The following KANSL1L variants were observed in gnomAD, a reference collection of about 807,000 sequenced individuals.
The protein encoded by KANSL1L is KAT8 regulatory NSL complex subunit 1-like protein.
In KANSL1L, 25 loss-of-function variants were observed where a neutral mutation model predicts 108.6. The observed-to-expected ratio is 0.23, with a 90% CI of 0.17 to 0.32. KANSL1L has a LOEUF of 0.32. Among genes scored for constraint, KANSL1L ranks in the 10% least tolerant of loss-of-function variants. The pLI, the probability that KANSL1L is intolerant of heterozygous loss-of-function variation, is 1.00. For missense variants in KANSL1L, 1,137 were observed against 1,125.7 expected, an observed-to-expected ratio of 1.01 and a Z score of -0.14; for synonymous variants, 405 against 395.1, an observed-to-expected ratio of 1.03 and a Z score of -0.30.
At chr2:210,168,689 T>C (rs543835540) in intron 1 of KANSL1L, among the ~76,000 whole-genome samples, 123 of 152,220 alleles carry the variant, frequency 8.1e-4, no homozygotes, top group Non-Finnish European at 1.4e-3. Context: ...AGAAGTTAAT[T>C]GACCTTCTGG....
chr2:210,084,127 C>G (rs903499408), intron 5 of KANSL1L, among the ~76,000 whole-genome samples: 4 of 151,910 alleles, frequency 2.6e-5, no homozygotes, highest in Admixed American at 6.6e-5. Context: ...GATGTAGTAT[C>G]TAAAAAAATT....
rs2093867241 is a variant in KANSL1L at position 210,022,083 on chromosome 2, G to A, written c.*866C>T. ...TTTAAAACTGGTGTCTTCTCTTCAT[G>A]AGACACATTAATTGGTAAAACTCAA... is the stretch of plus-strand genomic sequence containing the variant. On this transcript the variant is annotated 3_prime_UTR_variant, in exon 15 of 15. Transcript: ENST00000281772. The A allele has an allele frequency of 6.7e-6, 1 of 148,952 alleles. No homozygotes were observed. Among genetic ancestry groups the A allele is most frequent in the East Asian group, 2.0e-4 (1 of 5,118 alleles). The allele number at this position is 148,952 out of a possible 1,614,324, so 9.2% of individuals were successfully genotyped here. A position where few individuals can be genotyped will look rare whatever the true frequency, so the allele number is the denominator to read the frequency against.
At chr2:210,023,220 G>T (rs1559491272) in intron 14 of KANSL1L, 41 bp from the exon 15 acceptor site, 2 of 1,427,748 alleles carry the variant, frequency 1.4e-6, no homozygotes, top group Admixed American at 1.7e-5. Context: ...CAACTAACTT[G>T]TTTTGTTTAA....
At chr2:210,079,501 CA>C (rs1404365654) in intron 5 of KANSL1L, among the ~76,000 whole-genome samples, 1 of 149,272 alleles carries the variant, frequency 6.7e-6, no homozygotes, top group East Asian at 2.0e-4. Flanking sequence ...GAGGCTGAGG[CA>C]GGAGAATCGC....
intron 7 of KANSL1L, 121 bp downstream of exon 7, chr2:210,043,818 A>G: frequency 1.7e-6 from 1 of 581,446 alleles, no homozygotes; most frequent in Non-Finnish European, 2.8e-6. Context: ...GGCATTGCTT[A>G]GTTCTAATAT....
At chr2:210,162,088 T>TAC (rs1184029126) in intron 1 of KANSL1L, among the ~76,000 whole-genome samples, 69 of 148,096 alleles carry the variant, frequency 4.7e-4, no homozygotes, top group African/African-American at 1.4e-3. Flanking sequence ...TATATATATA[T>TAC]ACACACACAC....
intron 7 of KANSL1L, among the ~76,000 whole-genome samples, chr2:210,042,387 T>TATTAGAGG (rs2094174616): frequency 6.6e-6 from 1 of 152,196 alleles, no homozygotes; most frequent in African/African-American, 2.4e-5. Flanking sequence ...TAATCTCATT[T>TATTAGAGG]ATTAGAGGGG....
intron 6 of KANSL1L, among the ~76,000 whole-genome samples, chr2:210,051,140 G>C (rs1410891877): frequency 6.6e-6 from 1 of 152,092 alleles, no homozygotes; most frequent in Non-Finnish European, 1.5e-5. Context: ...TATTGCTATG[G>C]AGAACTCATT....
chr2:210,133,295 G>C, intron 2 of KANSL1L, among the ~76,000 whole-genome samples: 1 of 151,930 alleles, frequency 6.6e-6, no homozygotes, highest in South Asian at 2.1e-4. Context: ...ATAATACAAA[G>C]TTATTATACT....
At chr2:210,041,996 G>C (rs2094169151) in intron 7 of KANSL1L, among the ~76,000 whole-genome samples, 1 of 152,064 alleles carries the variant, frequency 6.6e-6, no homozygotes, top group Non-Finnish European at 1.5e-5. Context: ...AACATTTCAG[G>C]ATTCTGATAT....
intron 6 of KANSL1L, among the ~76,000 whole-genome samples, chr2:210,048,159 C>T (rs578170279): frequency 6.6e-6 from 1 of 152,240 alleles, no homozygotes; most frequent in Non-Finnish European, 1.5e-5. Flanking sequence ...GAAAACTGGC[C>T]ATGTGCTTCA....
rs184849612 is a variant in KANSL1L, at chr2:210,147,879, T to C, written c.1088+5616A>G. Among the ~76,000 whole-genome samples the C allele has an allele frequency of 9.2e-5, 14 of 152,348 alleles. No individual in the cohort carries two copies. The East Asian group carries it at 2.7e-3, about 29-fold the overall frequency. On this transcript the variant is annotated intron_variant, in intron 2 of 14. Transcript: ENST00000281772. The stretch of plus-strand genomic sequence containing the variant: ...TCACCTTGCTTTTCAGTTCTTTTCC[T>C]TTCCATTGGCAAAGCAGGAAAGCAA...
At position 210,104,168 on chromosome 2, in the gene KANSL1L, G is replaced by C. The variant is rs754982488; in HGVS notation, c.1364C>G (p.Pro455Arg). ...TGGTGACATTTCAAAATCTTGTTCC[G>C]GTACAGGATCTTGACACTCCTGGGG... is the stretch of plus-strand genomic sequence containing the variant. The part of the protein sequence containing the change: ...QVPQECQDPV[P>R]EQDFEMSPSS... The change falls in exon 4 of 15, where the codon CCG becomes CGG. Residue 455 changes from proline to arginine, a missense_variant. By Grantham distance (103) the Pro-to-Arg change is moderately radical (BLOSUM62 -2). Around this residue, in one of 3 missense-constraint regions of KANSL1L, gnomAD observed 556 missense variants for 537.7 expected, o/e 1.03. Coordinates refer to ENST00000281772, the MANE Select transcript of KANSL1L (RefSeq NM_152519.4). 2.5e-6 allele frequency: 4 copies of C among 1,613,874 alleles called. No individual in the cohort carries two copies. Among genetic ancestry groups the C allele is most frequent in the Non-Finnish European group, 3.4e-6 (4 of 1,179,864 alleles).
intron 5 of KANSL1L, among the ~76,000 whole-genome samples, chr2:210,077,845 A>G (rs927475718): frequency 6.6e-6 from 1 of 152,204 alleles, no homozygotes; most frequent in Non-Finnish European, 1.5e-5. Context: ...ATCTTATGAA[A>G]TGAAAGGACA....
At chr2:210,071,500 C>A (rs900056517) in intron 6 of KANSL1L, among the ~76,000 whole-genome samples, 1 of 152,004 alleles carries the variant, frequency 6.6e-6, no homozygotes, top group South Asian at 2.1e-4. Context: ...AACTCCTGAC[C>A]TCAGGTGATC....
At chr2:210,152,887 T>C (rs1315076725) in intron 2 of KANSL1L, 1 of 152,288 alleles carries the variant, frequency 6.6e-6, no homozygotes, top group Non-Finnish European at 1.5e-5. Flanking sequence ...GTCCACAGCC[T>C]ATTCAAGAAT....
intron 8 of KANSL1L, among the ~76,000 whole-genome samples, chr2:210,034,976 T>C (rs1467712511): frequency 6.6e-6 from 1 of 152,208 alleles, no homozygotes; most frequent in African/African-American, 2.4e-5. Context: ...CAAATGAAAT[T>C]TAGTTGCTGA....
rs540839281 is a variant in KANSL1L at position 210,099,961 on chromosome 2, A to T, written c.1429-1754T>A. ...TAAAACACTAGCTATTCATAACAAG[A>T]TTTATAATGTAAATACACCAGTAGC... On this transcript the variant is annotated intron_variant, in intron 4 of 14. Coordinates refer to ENST00000281772, the MANE Select transcript of KANSL1L (RefSeq NM_152519.4). Among the ~76,000 whole-genome samples, 7 of 152,332 alleles carry T rather than the reference A, an allele frequency of 4.6e-5. No homozygotes were observed. The East Asian group carries it at 1.3e-3, about 29-fold the overall frequency.
chr2:210,169,021 A>C (rs1239009514), intron 1 of KANSL1L, among the ~76,000 whole-genome samples: 4 of 152,152 alleles, frequency 2.6e-5, no homozygotes, highest in Admixed American at 6.5e-5. Flanking sequence ...AATTAAAGCA[A>C]GGTTTTTAGT....
Sources: allele counts gnomAD v4.1 joint callset (sites outside exome capture counted in the v4.1 genomes callset), GRCh38; gene constraint gnomAD v4.1.1; regional missense constraint gnomAD v4.1.1; transcripts MANE v1.5; gene names NCBI Gene and HGNC (gene_info 2026-07-23, HGNC 2026-07-21).